ATF2: variants seen among roughly 807,000 people sequenced by gnomAD.
ATF2 encodes the protein activating transcription factor 2.
In ATF2, 24 loss-of-function variants were observed where a neutral mutation model predicts 60.6. The ratio of observed to expected loss-of-function variants is 0.40; its 90% CI spans 0.29 to 0.56. The LOEUF (loss-of-function observed/expected upper bound fraction) is 0.56, where lower values mean the gene tolerates loss of function less well. Among genes scored for constraint, ATF2 ranks in the 20% least tolerant of loss-of-function variants. The pLI, the probability that ATF2 is intolerant of heterozygous loss-of-function variation, is 0.54. For missense variants in ATF2, 433 were observed against 607.7 expected, an observed-to-expected ratio of 0.71 and a Z score of 3.02; for synonymous variants, 206 against 215.4, an observed-to-expected ratio of 0.96 and a Z score of 0.38.
intron 2 of ATF2, among the ~76,000 whole-genome samples, chr2:175,141,803 T>C (rs1698564217): frequency 6.6e-6 from 1 of 152,120 alleles, no homozygotes; most frequent in Non-Finnish European, 1.5e-5. Flanking sequence ...CCTATAAATA[T>C]ATTTTTCAAA....
intron 3 of ATF2, among the ~76,000 whole-genome samples, chr2:175,133,985 C>A (rs1406043527): frequency 6.6e-6 from 1 of 151,976 alleles, no homozygotes; most frequent in Non-Finnish European, 1.5e-5. Flanking sequence ...TTCCAGGAAA[C>A]CTTACAGAAG....
At chr2:175,148,670 TAAGTCTGGTAAGA>T (rs1699107871) in intron 2 of ATF2, among the ~76,000 whole-genome samples, 1 of 152,192 alleles carries the variant, frequency 6.6e-6, no homozygotes, top group African/African-American at 2.4e-5. Flanking sequence ...ACAGACTCTT[TAAGTCTGGTAAGA>T]AACATTTACA....
At chr2:175,085,553 TACACACACACAC>T (rs56804408) in intron 12 of ATF2, among the ~76,000 whole-genome samples, 135 of 141,378 alleles carry the variant, frequency 9.5e-4, no homozygotes, top group Middle Eastern at 7.1e-3. Flanking sequence ...ATACATAACA[TACACACACACAC>T]ACACACACAC....
intron 1 of ATF2, among the ~76,000 whole-genome samples, chr2:175,156,403 A>AG (rs1699691473): frequency 7.0e-6 from 1 of 143,458 alleles, no homozygotes; most frequent in Non-Finnish European, 1.5e-5. Flanking sequence ...AAAAAAAAAA[A>AG]GGACTACAGA....
chr2:175,123,850 A>T (rs766887865), intron 4 of ATF2, among the ~76,000 whole-genome samples: 3 of 152,000 alleles, frequency 2.0e-5, no homozygotes, highest in Non-Finnish European at 4.4e-5. Context: ...CAAAATACAA[A>T]AACACTGCAA....
chr2:175,109,695 A>G (rs537674974), intron 10 of ATF2, among the ~76,000 whole-genome samples: 96 of 152,322 alleles, frequency 6.3e-4, no homozygotes, highest in Middle Eastern at 3.4e-3. Context: ...TCCTTTTAAT[A>G]TCTATATCTG....
intron 2 of ATF2, among the ~76,000 whole-genome samples, chr2:175,142,457 G>T (rs533344956): frequency 6.6e-6 from 1 of 152,132 alleles, no homozygotes; most frequent in Admixed American, 6.5e-5. Context: ...CTGAGCCATT[G>T]TGCCTGGCCC....
intron 1 of ATF2, among the ~76,000 whole-genome samples, chr2:175,165,385 A>T (rs1239492359): frequency 6.6e-6 from 1 of 152,220 alleles, no homozygotes; most frequent in Non-Finnish European, 1.5e-5. Flanking sequence ...GAGCCTTTAG[A>T]CAAAATTAGT....
intron 4 of ATF2, among the ~76,000 whole-genome samples, chr2:175,123,402 T>G (rs1369109033): frequency 6.6e-6 from 1 of 152,080 alleles, no homozygotes; most frequent in South Asian, 2.1e-4. Context: ...AGGCAATCAT[T>G]AAACATTTGT....
chr2:175,086,107 C>T (rs1395298516), intron 12 of ATF2, among the ~76,000 whole-genome samples: 1 of 152,078 alleles, frequency 6.6e-6, no homozygotes, highest in Non-Finnish European at 1.5e-5. Flanking sequence ...AAGGTCTGCA[C>T]AATACAAATT....
intron 1 of ATF2, chr2:175,167,528 G>A: frequency 2.3e-6 from 1 of 432,010 alleles, no homozygotes; most frequent in Non-Finnish European, 5.0e-6. Flanking sequence ...TTTCAGCCGC[G>A]CCTCCCGATC....
At chr2:175,114,220 C>T in intron 8 of ATF2, 112 bp from the exon 9 acceptor site, 1 of 1,420,450 alleles carries the variant, frequency 7.0e-7, no homozygotes. Context: ...AATACATTTT[C>T]TAACCACAGC....
intron 1 of ATF2, among the ~76,000 whole-genome samples, chr2:175,162,117 T>C (rs188220354): frequency 2.1e-4 from 32 of 152,290 alleles, no homozygotes; most frequent in African/African-American, 7.0e-4. Flanking sequence ...CACATAAAAC[T>C]GCATGAAATC....
At chr2:175,078,193 A>C (rs1357283766) in intron 13 of ATF2, among the ~76,000 whole-genome samples, 1 of 151,942 alleles carries the variant, frequency 6.6e-6, no homozygotes, top group Admixed American at 6.6e-5. Flanking sequence ...CTGGTCTTGA[A>C]CTCATGGGTT....
At chr2:175,124,411 T>G (rs1435722031) in intron 4 of ATF2, among the ~76,000 whole-genome samples, 2 of 151,920 alleles carry the variant, frequency 1.3e-5, no homozygotes, top group African/African-American at 4.8e-5. Flanking sequence ...TAATTTAAGT[T>G]CTGATATCTG....
At chr2:175,111,883 T>C (rs2105680233) in intron 9 of ATF2, among the ~76,000 whole-genome samples, 1 of 152,316 alleles carries the variant, frequency 6.6e-6, no homozygotes, top group Middle Eastern at 3.4e-3. Flanking sequence ...GTTTCTACAA[T>C]TTCTTTCTTA....
At chr2:175,154,114 T>C (rs1210872253) in intron 1 of ATF2, among the ~76,000 whole-genome samples, 1 of 150,380 alleles carries the variant, frequency 6.6e-6, no homozygotes, top group East Asian at 2.0e-4. Context: ...CTCAGGAGGC[T>C]GAGGCAGGAG....
At chr2:175,087,312 CA>C (rs1694236577) in intron 12 of ATF2, among the ~76,000 whole-genome samples, 1 of 152,124 alleles carries the variant, frequency 6.6e-6, no homozygotes, top group African/African-American at 2.4e-5. Flanking sequence ...CAAAGTAAAA[CA>C]TATTTGGCAA....
chr2:175,085,305 C>T (rs1341605240), intron 12 of ATF2, among the ~76,000 whole-genome samples: 3 of 152,008 alleles, frequency 2.0e-5, no homozygotes, highest in Non-Finnish European at 4.4e-5. Flanking sequence ...GAGACTGAGG[C>T]GGGCAGATAA....
Sources: allele counts gnomAD v4.1 joint callset (sites outside exome capture counted in the v4.1 genomes callset), GRCh38; gene constraint gnomAD v4.1.1; transcripts MANE v1.5; gene names NCBI Gene and HGNC (gene_info 2026-07-23, HGNC 2026-07-21).